Variants in DLG2 observed in about 807,000 individuals in gnomAD.
The protein encoded by DLG2 is discs large MAGUK scaffold protein 2, also known as disks large homolog 2.
In DLG2, 45 loss-of-function variants were observed where a neutral mutation model predicts 132.5. The observed-to-expected ratio is 0.34, with a 90% CI of 0.27 to 0.44. The LOEUF (loss-of-function observed/expected upper bound fraction) is 0.44, where lower values mean the gene tolerates loss of function less well. Among genes scored for constraint, DLG2 ranks in the 20% least tolerant of loss-of-function variants. DLG2 has a pLI of 1.00. For missense variants in DLG2, 1,045 were observed against 1,196.9 expected (o/e 0.87, Z 1.87); for synonymous variants, 424 against 419.6 (o/e 1.01, Z -0.13).
chr11:83,775,121 T>C (rs568004599), intron 18 of DLG2, among the ~76,000 whole-genome samples: 171 of 152,302 alleles, frequency 1.1e-3, no homozygotes, highest in African/African-American at 3.8e-3. Flanking sequence ...TCCGTTCTCA[T>C]TTACAACTGG....
At chr11:83,615,431 C>T (rs776747672) in intron 19 of DLG2, among the ~76,000 whole-genome samples, 33 of 152,164 alleles carry the variant, frequency 2.2e-4, no homozygotes, top group Non-Finnish European at 4.9e-4. Context: ...TTCATTTTGC[C>T]TGTTCTTGAA....
At chr11:85,039,562 A>G (rs1052860618) in intron 6 of DLG2, among the ~76,000 whole-genome samples, 1 of 151,966 alleles carries the variant, frequency 6.6e-6, no homozygotes, top group Non-Finnish European at 1.5e-5. Context: ...ATAGTTATAT[A>G]TGTTAAATAA....
At chr11:84,030,332 G>C (rs996607688) in intron 11 of DLG2, among the ~76,000 whole-genome samples, 1 of 152,164 alleles carries the variant, frequency 6.6e-6, no homozygotes. Flanking sequence ...TAAATATAAT[G>C]CTTCCTATTG....
chr11:84,547,911 T>C (rs2099393492), intron 6 of DLG2, among the ~76,000 whole-genome samples: 1 of 152,184 alleles, frequency 6.6e-6, no homozygotes, highest in African/African-American at 2.4e-5. Flanking sequence ...TAGCACATCC[T>C]AGAAGTAGTG....
intron 6 of DLG2, among the ~76,000 whole-genome samples, chr11:85,061,154 A>G (rs144669324): frequency 1.6e-4 from 25 of 151,836 alleles, no homozygotes; most frequent in African/African-American, 5.3e-4. Flanking sequence ...TGATTTGTAG[A>G]TATTTTCTCC....
intron 3 of DLG2, among the ~76,000 whole-genome samples, chr11:85,342,222 CTT>C (rs947741501): frequency 7.2e-5 from 11 of 152,150 alleles, no homozygotes; most frequent in African/African-American, 2.7e-4. Context: ...TGTAATAACA[CTT>C]AGCTTAAAAT....
intron 3 of DLG2, among the ~76,000 whole-genome samples, chr11:85,364,783 T>C (rs180716403): frequency 2.6e-4 from 39 of 152,334 alleles, no homozygotes; most frequent in African/African-American, 7.9e-4. Flanking sequence ...TAGAATGTGA[T>C]TTCAGATAGA....
At chr11:85,204,786 A>G (rs770563894) in intron 4 of DLG2, among the ~76,000 whole-genome samples, 5 of 152,176 alleles carry the variant, frequency 3.3e-5, no homozygotes, top group Admixed American at 6.5e-5. Context: ...AAACTGTACT[A>G]CAAAGCTACA....
intron 6 of DLG2, among the ~76,000 whole-genome samples, chr11:84,859,415 T>G: frequency 6.9e-6 from 1 of 144,516 alleles, no homozygotes; most frequent in East Asian, 2.0e-4. Flanking sequence ...TACATATATA[T>G]GTATACATAT....
chr11:84,369,743 C>A (rs927466208), intron 7 of DLG2, among the ~76,000 whole-genome samples: 3 of 152,062 alleles, frequency 2.0e-5, no homozygotes, highest in Admixed American at 2.0e-4. Flanking sequence ...CTGTATAAAA[C>A]CCTTCACTGA....
chr11:83,618,376 C>A (rs1375478995), intron 19 of DLG2, among the ~76,000 whole-genome samples: 1 of 151,954 alleles, frequency 6.6e-6, no homozygotes, highest in Non-Finnish European at 1.5e-5. Context: ...CTTACAATGA[C>A]CTTGTTATGT....
At position 84,256,335 on chromosome 11, in the gene DLG2, T is replaced by C. The variant is rs547460297; in HGVS notation, c.520-5044A>G. ...TGAAGAAGCCTCCTCAAGCAAGGTA[T>C]TGGCAGGAAATGTAGAGTAGCTAGT... On this transcript the variant is annotated intron_variant, in intron 7 of 27. Transcript: ENST00000376104. Among the ~76,000 whole-genome samples the C allele has an allele frequency of 6.6e-5, 10 of 152,266 alleles. No homozygotes were observed. The East Asian group carries it at 1.7e-3, about 26-fold the overall frequency.
At chr11:85,591,604 G>A (rs760565174) in intron 3 of DLG2, among the ~76,000 whole-genome samples, 49 of 152,152 alleles carry the variant, frequency 3.2e-4, no homozygotes, top group Non-Finnish European at 5.1e-4. Context: ...TTAGCTGGGC[G>A]TGGTGGCACA....
intron 7 of DLG2, among the ~76,000 whole-genome samples, chr11:84,272,911 A>T (rs538700159): frequency 6.6e-6 from 1 of 152,160 alleles, no homozygotes; most frequent in East Asian, 1.9e-4. Flanking sequence ...TACTGTCTTC[A>T]GTGGGATGAG....
At chr11:83,587,586 T>G (rs933337009) in intron 19 of DLG2, among the ~76,000 whole-genome samples, 2 of 152,188 alleles carry the variant, frequency 1.3e-5, no homozygotes, top group African/African-American at 4.8e-5. Flanking sequence ...GAATTAGAAT[T>G]TATATATAGA....
chr11:84,565,964 T>TTTG (rs1555044231), intron 6 of DLG2, among the ~76,000 whole-genome samples: 1 of 151,288 alleles, frequency 6.6e-6, no homozygotes, highest in African/African-American at 2.4e-5. Context: ...GATGAAGTTT[T>TTTG]TTTTTTTTTT....
chr11:85,166,263 C>A (rs1191755139), intron 4 of DLG2, among the ~76,000 whole-genome samples: 2 of 152,040 alleles, frequency 1.3e-5, no homozygotes, highest in African/African-American at 4.8e-5. Context: ...TTCCTTTTAT[C>A]GCTTCTCTCA....
At chr11:84,935,548 T>C (rs893115179) in intron 6 of DLG2, among the ~76,000 whole-genome samples, 1 of 152,168 alleles carries the variant, frequency 6.6e-6, no homozygotes, top group African/African-American at 2.4e-5. Flanking sequence ...TGCTTTTCCA[T>C]AGGTCTGGAA....
At chr11:84,836,540 C>A (rs187382101) in intron 6 of DLG2, among the ~76,000 whole-genome samples, 1 of 151,830 alleles carries the variant, frequency 6.6e-6, no homozygotes, top group African/African-American at 2.4e-5. Flanking sequence ...CTCTAACATT[C>A]CTTATCATTA....
Sources: gnomAD v4.1 joint callset for allele counts (sites outside exome capture counted in the v4.1 genomes callset) on GRCh38, gnomAD v4.1.1 for gene constraint, MANE v1.5 for transcripts, NCBI Gene and HGNC (gene_info 2026-07-23, HGNC 2026-07-21) for gene names.